Variants in CRYBB3 observed in about 807,000 individuals in gnomAD.
CRYBB3 encodes the protein crystallin beta B3.
In CRYBB3, 35 loss-of-function variants were observed where a neutral mutation model predicts 28.3. The ratio of observed to expected loss-of-function variants is 1.24; its 90% CI spans 0.95 to 1.64. The LOEUF is 1.64. Ranked by LOEUF, CRYBB3 falls within the 40% of genes most tolerant of loss-of-function variation. CRYBB3 has a pLI of 0.00. For missense variants in CRYBB3, 296 were observed against 297.4 expected, an observed-to-expected ratio of 1.00 and a Z score of 0.04; for synonymous variants, 106 against 110.4, an observed-to-expected ratio of 0.96 and a Z score of 0.25.
At chr22:25,206,839 GGT>G (rs1383359683) in intron 5 of CRYBB3, among the ~76,000 whole-genome samples, 1 of 152,142 alleles carries the variant, frequency 6.6e-6, no homozygotes, top group Non-Finnish European at 1.5e-5. Context: ...GAGAGGCCAC[GGT>G]GTTGAGTGTG....
chr22:25,201,926 G>A (rs1487762679), intron 2 of CRYBB3, among the ~76,000 whole-genome samples: 2 of 152,190 alleles, frequency 1.3e-5, no homozygotes, highest in Non-Finnish European at 2.9e-5. Context: ...AAGCCAGCTA[G>A]CAGAGGGAGG....
chr22:25,202,604 C>G (rs1934966079), intron 2 of CRYBB3, 70 bp from the exon 3 acceptor site: 3 of 1,608,996 alleles, frequency 1.9e-6, no homozygotes. Flanking sequence ...CCTCTAATGC[C>G]CAAAGGAGGG....
chr22:25,200,293 G>A (rs559593852), intron 1 of CRYBB3, among the ~76,000 whole-genome samples: 1 of 152,154 alleles, frequency 6.6e-6, no homozygotes, highest in Non-Finnish European at 1.5e-5. Context: ...TGCATGGTTA[G>A]GCCCACATCC....
chr22:25,202,788 G>C lies in CRYBB3; in HGVS notation c.190G>C (p.Gly64Arg). Reference protein sequence around the residue: ...EKVGSIQVESGPWLAFESRAF... With the variant: ...EKVGSIQVESRPWLAFESRAF... Reference sequence around the variant, plus strand: ...GGTGGGCTCCATCCAAGTGGAGTCCGGGCCGTGAGTACCTAGACCCCCAGT... The same window carrying C: ...GGTGGGCTCCATCCAAGTGGAGTCCCGGCCGTGAGTACCTAGACCCCCAGT... The change falls in exon 3 of 6, where the codon GGG (glycine) becomes CGG (arginine). Residue 64 changes from glycine (G) to arginine (R), a missense_variant. Transcript: ENST00000215855. 1 of 1,613,820 alleles carries C rather than the reference G, an allele frequency of 6.2e-7. No homozygotes were observed. The highest frequency in any genetic ancestry group is 8.5e-7 in the Non-Finnish European group (1 of 1,179,970).
chr22:25,206,318 C>T (rs146673340), intron 5 of CRYBB3, among the ~76,000 whole-genome samples: 2 of 152,178 alleles, frequency 1.3e-5, no homozygotes, highest in African/African-American at 2.4e-5. Flanking sequence ...CCGAAGTGGG[C>T]GGATCACCTG....
At chr22:25,206,815 G>A (rs1240687025) in intron 5 of CRYBB3, among the ~76,000 whole-genome samples, 2 of 152,178 alleles carry the variant, frequency 1.3e-5, no homozygotes, top group Non-Finnish European at 2.9e-5. Context: ...GCAGGTTCCG[G>A]GAAAGTAGAA....
intron 5 of CRYBB3, among the ~76,000 whole-genome samples, chr22:25,205,702 G>T (rs930576725): frequency 2.0e-5 from 3 of 152,182 alleles, no homozygotes; most frequent in Admixed American, 2.0e-4. Context: ...CTCATGATCT[G>T]CCCGCCTCGG....
chr22:25,205,195 G>T, intron 4 of CRYBB3, 25 bp from the exon 5 acceptor site: 1 of 1,612,644 alleles, frequency 6.2e-7, no homozygotes, highest in Non-Finnish European at 8.5e-7. Flanking sequence ...GGGAGCAGCC[G>T]CTCACCCCAC....
rs370815737 is a variant in CRYBB3, at chr22:25,205,184, T to C, written c.328-36T>C. ...GCCTCCTTGACCTCTGTTCTGGATA[T>C]GGGAGCAGCCGCTCACCCCACGATA... On this transcript the variant is annotated intron_variant, in intron 4 of 5. Transcript: ENST00000215855. 31 of 1,612,714 alleles carry C rather than the reference T, an allele frequency of 1.9e-5. No homozygotes were observed. In the African/African-American group the frequency reaches 3.7e-4, roughly 19 times the overall value.
chr22:25,201,066 G>A (rs1934938366), intron 1 of CRYBB3, among the ~76,000 whole-genome samples: 1 of 152,204 alleles, frequency 6.6e-6, no homozygotes, highest in Non-Finnish European at 1.5e-5. Flanking sequence ...CTGGATCAGG[G>A]GAAAAGGGCA....
At chr22:25,206,952 G>A in intron 5 of CRYBB3, 95 bp from the exon 6 acceptor site, 1 of 923,002 alleles carries the variant, frequency 1.1e-6, no homozygotes, top group Non-Finnish European at 1.8e-6. Flanking sequence ...GAGCTAAAGA[G>A]GAATGTAGGC....
At chr22:25,205,427 A>C in intron 5 of CRYBB3, 65 bp downstream of exon 5, 1 of 1,575,804 alleles carries the variant, frequency 6.3e-7, no homozygotes, top group Non-Finnish European at 8.7e-7. Context: ...CTCCAAACAG[A>C]ATCAGTGCCC....
At chr22:25,203,957 C>G (rs1569008602) in intron 4 of CRYBB3, 62 bp downstream of exon 4, 18 of 1,603,084 alleles carry the variant, frequency 1.1e-5, no homozygotes, top group Non-Finnish European at 1.5e-5. Flanking sequence ...GAGAGCTGGT[C>G]AGGCAGCTCA....
chr22:25,201,291 C>T, intron 1 of CRYBB3, 86 bp from the exon 2 acceptor site: 4 of 1,589,856 alleles, frequency 2.5e-6, no homozygotes, highest in South Asian at 1.1e-5. Context: ...GGCAGCAAGG[C>T]TCTGTAGCTC....
chr22:25,201,824 G>A (rs571945133), intron 2 of CRYBB3, among the ~76,000 whole-genome samples: 2 of 152,262 alleles, frequency 1.3e-5, no homozygotes, highest in Admixed American at 6.5e-5. Flanking sequence ...GGGTTTGGAG[G>A]CTCTCTGGGC....
At position 25,203,821 on chromosome 22, in the gene CRYBB3, G is replaced by A; in HGVS notation, c.253G>A (p.Asp85Asn). 6.2e-7 allele frequency: 1 copy of A among 1,614,192 alleles called. No individual in the cohort carries two copies. The highest frequency in any genetic ancestry group is 8.5e-7 in the Non-Finnish European group (1 of 1,180,010). Residue 85 changes from aspartate (D) to asparagine (N), a missense_variant, in exon 4 of 6, where the codon GAT becomes AAT. Physicochemically the swap from Asp to Asn is conservative, Grantham distance 23. Coordinates refer to ENST00000215855, the MANE Select transcript of CRYBB3 (RefSeq NM_004076.5). ...RGEQFVLEKG[D>N]YPRWDAWSNS... is the part of the protein sequence containing the mutation. The stretch of plus-strand genomic sequence containing the variant: ...GGAGCAGTTTGTTCTGGAGAAGGGG[G>A]ATTATCCTCGCTGGGATGCCTGGTC...
chr22:25,201,159 T>A (rs188379191), intron 1 of CRYBB3, among the ~76,000 whole-genome samples: 2 of 152,146 alleles, frequency 1.3e-5, no homozygotes, highest in Non-Finnish European at 2.9e-5. Context: ...AGCCTCAGAG[T>A]TCCCCTCTGT....
chr22:25,206,560 A>G (rs1233486657), intron 5 of CRYBB3, among the ~76,000 whole-genome samples: 1 of 152,164 alleles, frequency 6.6e-6, no homozygotes, highest in African/African-American at 2.4e-5. Flanking sequence ...GAAAAATTAC[A>G]TAGTTTGATG....
rs1035826860 is a variant in CRYBB3, at chr22:25,204,578, G to A, written c.328-642G>A. Among the ~76,000 whole-genome samples the A allele has an allele frequency of 1.2e-4, 18 of 152,194 alleles. 2 individuals carry two copies. Among genetic ancestry groups the A allele is most frequent in the Admixed American group, 1.1e-3 (17 of 15,286 alleles). On this transcript the variant is annotated intron_variant, in intron 4 of 5. Coordinates refer to ENST00000215855, the MANE Select transcript of CRYBB3 (RefSeq NM_004076.5). ...GACTGAAGGCACATGCCACCACGCT[G>A]GGCTAATTTTTGTATTTTTAGTAGA...
Sources: gnomAD v4.1 joint callset for allele counts (sites outside exome capture counted in the v4.1 genomes callset) on GRCh38, gnomAD v4.1.1 for gene constraint, MANE v1.5 for transcripts, NCBI Gene and HGNC (gene_info 2026-07-23, HGNC 2026-07-21) for gene names.